CDH13: variants seen among roughly 807,000 people sequenced by gnomAD.
The protein encoded by CDH13 is cadherin-13.
CDH13 carries 24 observed loss-of-function variants against 63.8 expected under a neutral mutation model. That is an observed-to-expected ratio of 0.38 (90% CI 0.27 to 0.53). The LOEUF is 0.53. CDH13 is among the 20% of genes least tolerant of loss of function. The pLI is 0.85. For synonymous variants in CDH13, 503 were observed against 355.3 expected (o/e 1.42, Z -4.67); for missense variants, 1,049 against 903.1 (o/e 1.16, Z -2.07).
At chr16:83,042,803 C>T (rs982172405) in intron 3 of CDH13, among the ~76,000 whole-genome samples, 2 of 152,148 alleles carry the variant, frequency 1.3e-5, no homozygotes, top group Non-Finnish European at 2.9e-5. Flanking sequence ...GTGATTATAT[C>T]GATCCTGCTT....
chr16:82,813,586 G>A (rs184244481), intron 1 of CDH13, among the ~76,000 whole-genome samples: 46 of 152,220 alleles, frequency 3.0e-4, no homozygotes, highest in East Asian at 1.9e-4. Flanking sequence ...GTGTCTTCCC[G>A]GAGGCTGCTT....
At chr16:83,591,708 C>T (rs1223456526) in intron 7 of CDH13, among the ~76,000 whole-genome samples, 1 of 152,192 alleles carries the variant, frequency 6.6e-6, no homozygotes, top group East Asian at 1.9e-4. Context: ...GCCACCGAAG[C>T]ACTCCCAGTT....
chr16:83,079,131 C>T (rs2033059128), intron 3 of CDH13, among the ~76,000 whole-genome samples: 2 of 152,106 alleles, frequency 1.3e-5, no homozygotes, highest in South Asian at 2.1e-4. Flanking sequence ...ACTCCACATT[C>T]CCCAGGTAGT....
chr16:82,769,859 C>T (rs912830209), intron 1 of CDH13, among the ~76,000 whole-genome samples: 13 of 152,260 alleles, frequency 8.5e-5, no homozygotes, highest in East Asian at 5.8e-4. Context: ...CTTAAACCTA[C>T]GAAATGTGAC....
intron 1 of CDH13, among the ~76,000 whole-genome samples, chr16:82,798,345 C>T (rs944044769): frequency 6.6e-6 from 1 of 152,188 alleles, no homozygotes; most frequent in Non-Finnish European, 1.5e-5. Flanking sequence ...GAGCTCTTTC[C>T]ACACTACCTA....
rs12922062 is a variant in CDH13, at chr16:82,774,105, A to T, written c.46-84257A>T. Among the ~76,000 whole-genome samples, 24 of 151,668 alleles carry T rather than the reference A, an allele frequency of 1.6e-4. No individual in the cohort carries two copies. The South Asian group carries it at 4.2e-3, about 27-fold the overall frequency. ...GCCAGTATTGTTCTTCTTTATACCT[A>T]ATTACTCATCATTGGAATTCTCTTT... On this transcript the variant is annotated intron_variant, in intron 1 of 13. Transcript: ENST00000567109.
intron 3 of CDH13, among the ~76,000 whole-genome samples, chr16:83,038,837 C>A (rs1315979388): frequency 1.3e-5 from 2 of 151,944 alleles, no homozygotes; most frequent in African/African-American, 4.8e-5. Context: ...CATACTTACT[C>A]TTTCTTTCTG....
At chr16:83,152,024 A>G (rs1196080977) in intron 4 of CDH13, among the ~76,000 whole-genome samples, 4 of 152,326 alleles carry the variant, frequency 2.6e-5, no homozygotes, top group Admixed American at 2.0e-4. Flanking sequence ...AAAAAAAAGA[A>G]TATTTAGGAT....
At chr16:83,329,462 C>T (rs1026575579) in intron 5 of CDH13, among the ~76,000 whole-genome samples, 1 of 151,664 alleles carries the variant, frequency 6.6e-6, no homozygotes, top group Admixed American at 6.6e-5. Flanking sequence ...GTCTCGAACT[C>T]CTGACCTCAG....
chr16:83,509,709 C>A (rs1412177678), intron 7 of CDH13, among the ~76,000 whole-genome samples: 1 of 152,100 alleles, frequency 6.6e-6, no homozygotes, highest in Non-Finnish European at 1.5e-5. Flanking sequence ...ACCAAAAAGT[C>A]CTTTTTGGTG....
chr16:83,760,147 A>G (rs12449075), intron 11 of CDH13, among the ~76,000 whole-genome samples: 1 of 152,228 alleles, frequency 6.6e-6, no homozygotes, highest in Non-Finnish European at 1.5e-5. Flanking sequence ...TCAAGGAAAT[A>G]CAATGAAGTG....
At chr16:83,310,016 A>G (rs1408364240) in intron 5 of CDH13, among the ~76,000 whole-genome samples, 4 of 152,198 alleles carry the variant, frequency 2.6e-5, no homozygotes, top group African/African-American at 9.6e-5. Flanking sequence ...CACAATATCA[A>G]TGGTTGAAAG....
intron 1 of CDH13, among the ~76,000 whole-genome samples, chr16:82,790,263 C>T (rs1425039009): frequency 6.6e-6 from 1 of 152,076 alleles, no homozygotes; most frequent in Non-Finnish European, 1.5e-5. Context: ...GGTGAAACCC[C>T]ATCTCTACTA....
chr16:83,190,485 G>A (rs33950473), intron 4 of CDH13, among the ~76,000 whole-genome samples: 33,766 of 152,110 alleles, frequency 0.22, 5,631 homozygotes, highest in African/African-American at 0.47. Context: ...TTTATTTTCA[G>A]TTGCCACCAT....
chr16:83,199,434 C>A (rs1024095447), intron 4 of CDH13, among the ~76,000 whole-genome samples: 4 of 152,174 alleles, frequency 2.6e-5, no homozygotes, highest in Non-Finnish European at 1.5e-5. Flanking sequence ...TGTTCCTCCC[C>A]CTGAACTAGC....
chr16:83,075,982 GA>G (rs1458405197), intron 3 of CDH13, among the ~76,000 whole-genome samples: 1 of 152,188 alleles, frequency 6.6e-6, no homozygotes, highest in African/African-American at 2.4e-5. Flanking sequence ...CCAGGAATGA[GA>G]GGGGAAAATA....
chr16:82,749,616 C>G (rs867401933), intron 1 of CDH13, among the ~76,000 whole-genome samples: 5 of 152,142 alleles, frequency 3.3e-5, no homozygotes, highest in African/African-American at 9.7e-5. Flanking sequence ...CATGTTCATG[C>G]GATTGTTTTA....
intron 2 of CDH13, 200 bp downstream of exon 2, chr16:82,858,673 C>G (rs1212852221): frequency 1.3e-5 from 8 of 616,520 alleles, no homozygotes; most frequent in Non-Finnish European, 2.3e-5. Flanking sequence ...ATATGCATCT[C>G]TTTTTAGTAT....
intron 5 of CDH13, among the ~76,000 whole-genome samples, chr16:83,260,121 C>T (rs1027329087): frequency 2.0e-5 from 3 of 150,530 alleles, no homozygotes; most frequent in African/African-American, 4.9e-5. Context: ...CACACACACA[C>T]ACACACACAC....
Sources: allele counts gnomAD v4.1 joint callset (sites outside exome capture counted in the v4.1 genomes callset), GRCh38; gene constraint gnomAD v4.1.1; transcripts MANE v1.5; gene names NCBI Gene and HGNC (gene_info 2026-07-23, HGNC 2026-07-21).